SAMSN1: variants seen among roughly 807,000 people sequenced by gnomAD.
SAMSN1 encodes the protein SAM domain-containing protein SAMSN-1.
In SAMSN1, 31 loss-of-function variants were observed where a neutral mutation model predicts 42.0. The observed-to-expected ratio is 0.74, with a 90% CI of 0.55 to 1.00. The LOEUF is 1.00. SAMSN1 is among the 50% of genes least tolerant of loss of function. SAMSN1 has a pLI of 0.00. For synonymous variants in SAMSN1, 178 were observed against 151.9 expected (o/e 1.17, Z -1.26); for missense variants, 464 against 439.4 (o/e 1.06, Z -0.50).
intron 1 of SAMSN1, among the ~76,000 whole-genome samples, chr21:14,534,481 G>T (rs1301392003): frequency 6.6e-6 from 1 of 151,176 alleles, no homozygotes; most frequent in East Asian, 1.9e-4. Flanking sequence ...GAGAAATGTG[G>T]AACAAGCACA....
chr21:14,628,989 TAGTA>T (rs1316959527), intron 2 of SAMSN1, among the ~76,000 whole-genome samples: 1 of 152,018 alleles, frequency 6.6e-6, no homozygotes, highest in African/African-American at 2.4e-5. Context: ...CTCACACAAC[TAGTA>T]AGTGATAAAA....
upstream of SAMSN1, among the ~76,000 whole-genome samples, chr21:14,547,655 C>T (rs1980459500): frequency 6.6e-6 from 1 of 152,096 alleles, no homozygotes; most frequent in African/African-American, 2.4e-5. Context: ...GACTCTATTT[C>T]TCAAACTTCC....
At chr21:14,514,433 G>A (rs1245486068) in intron 3 of SAMSN1, among the ~76,000 whole-genome samples, 1 of 152,054 alleles carries the variant, frequency 6.6e-6, no homozygotes, top group Non-Finnish European at 1.5e-5. Flanking sequence ...GCTTTCATAT[G>A]GAGAATAAAT....
rs201460166 is a variant in SAMSN1 at position 14,493,574 on chromosome 21, AACACACACACACACACACAC to A, written c.919+4848_919+4867del. Among the ~76,000 whole-genome samples, 545 of 102,320 alleles carry A rather than the reference AACACACACACACACACACAC, an allele frequency of 5.3e-3. 3 individuals are homozygous for A. Among genetic ancestry groups the A allele is most frequent in the African/African-American group, 0.015 (528 of 35,218 alleles). The allele number at this position is 102,320 out of a possible 152,430, so 67.1% of individuals were successfully genotyped here. The stretch of plus-strand genomic sequence containing the variant: ...GCCTTGAAGATTGTGTTTATGGAAC[AACACACACACACACACACAC>A]ACACACACACACACACACATATTTT... On this transcript the variant is annotated intron_variant, in intron 7 of 7. Coordinates refer to ENST00000400566, the MANE Select transcript of SAMSN1 (RefSeq NM_022136.5).
intron 2 of SAMSN1, among the ~76,000 whole-genome samples, chr21:14,570,073 G>C (rs1276695456): frequency 6.6e-6 from 1 of 151,862 alleles, no homozygotes; most frequent in African/African-American, 2.4e-5. Flanking sequence ...AATATTTTGT[G>C]GTGGTTGACT....
At chr21:14,503,021 C>T (rs8129951) in intron 5 of SAMSN1, among the ~76,000 whole-genome samples, 7,079 of 152,124 alleles carry the variant, frequency 0.047, 481 homozygotes, top group African/African-American at 0.16. Context: ...ATTCTTTTAG[C>T]GCAAAACCTT....
chr21:14,487,549 A>T (rs1221321520), intron 7 of SAMSN1, among the ~76,000 whole-genome samples: 4 of 152,098 alleles, frequency 2.6e-5, no homozygotes, highest in Non-Finnish European at 4.4e-5. Flanking sequence ...CATCCATGGG[A>T]GAAATTGAAA....
chr21:14,641,985 T>A (rs1321405260), intron 2 of SAMSN1, among the ~76,000 whole-genome samples: 1 of 152,202 alleles, frequency 6.6e-6, no homozygotes, highest in Non-Finnish European at 1.5e-5. Flanking sequence ...ACTGTGTTCT[T>A]ACAAGTAAGT....
At position 14,516,893 on chromosome 21, in the gene SAMSN1, T is replaced by A; in HGVS notation, c.278A>T (p.Lys93Met). 1.9e-6 allele frequency: 3 copies of A among 1,599,370 alleles called. No individual in the cohort carries two copies. The highest frequency in any genetic ancestry group is 2.6e-6 in the Non-Finnish European group (3 of 1,174,548). ...KKYIKALSEE[K>M]DEEDGENAHP... ...AAATGATTATCAGAGAATATTTACC[T>A]TTTCCTCAGAAAGGGCTTTGATGTA... Residue 93 changes from lysine (K) to methionine (M), a missense_variant and splice_region_variant, in exon 3 of 8, where the codon AAG (lysine) becomes ATG (methionine). By Grantham distance (95) the Lys-to-Met change is moderately conservative (BLOSUM62 -1). Transcript: ENST00000400566.
intron 1 of SAMSN1, among the ~76,000 whole-genome samples, chr21:14,543,185 A>G (rs13048538): frequency 0.26 from 38,794 of 152,046 alleles, 5,558 homozygotes; most frequent in East Asian, 0.49. Flanking sequence ...TTCTGCAAGA[A>G]TTTACCAGTT....
intron 6 of SAMSN1, among the ~76,000 whole-genome samples, chr21:14,601,323 A>G (rs1430300618): frequency 6.6e-6 from 1 of 152,188 alleles, no homozygotes; most frequent in Non-Finnish European, 1.5e-5. Flanking sequence ...CAATAGCCTC[A>G]GGAATCAGGC....
At chr21:14,490,971 A>G (rs1329168167) in intron 7 of SAMSN1, among the ~76,000 whole-genome samples, 3 of 152,144 alleles carry the variant, frequency 2.0e-5, no homozygotes, top group African/African-American at 7.2e-5. Context: ...TACTCTCCCC[A>G]ACCATACACC....
chr21:14,601,984 A>G (rs1166455045), intron 6 of SAMSN1: 1 of 656,584 alleles, frequency 1.5e-6, no homozygotes, highest in Non-Finnish European at 2.8e-6. Context: ...TAACAAGACG[A>G]TTTTCACAAA....
chr21:14,603,170 GA>G (rs144056173), intron 5 of SAMSN1, among the ~76,000 whole-genome samples: 3,978 of 151,192 alleles, frequency 0.026, 106 homozygotes, highest in South Asian at 0.082. Flanking sequence ...TCTGAACTGG[GA>G]AAAAAAAATA....
rs143959837 is a variant in SAMSN1, at chr21:14,535,181, G to T, written c.57+11024C>A. On this transcript the variant is annotated intron_variant, in intron 1 of 7. Coordinates refer to ENST00000400566, the MANE Select transcript of SAMSN1 (RefSeq NM_022136.5). ...ACACCCCAGATGATTTTAATATTAG[G>T]TTGGTGCAAAAGTAATCATGATTTT... Among the ~76,000 whole-genome samples, 649 of 152,246 alleles carry T rather than the reference G, an allele frequency of 4.3e-3. 7 individuals carry two copies. The highest frequency in any genetic ancestry group is 0.015 in the African/African-American group (613 of 41,534).
intron 2 of SAMSN1, among the ~76,000 whole-genome samples, chr21:14,636,291 C>A (rs1983465639): frequency 6.6e-6 from 1 of 152,074 alleles, no homozygotes; most frequent in African/African-American, 2.4e-5. Context: ...CCATCGTTCC[C>A]TCTTCCTCAC....
chr21:14,608,128 G>A (rs1011199463), intron 5 of SAMSN1, among the ~76,000 whole-genome samples: 5 of 152,156 alleles, frequency 3.3e-5, no homozygotes, highest in Non-Finnish European at 4.4e-5. Flanking sequence ...ACACAAGAGA[G>A]CACCTCCATA....
At chr21:14,506,501 T>A (rs1404386260) in intron 5 of SAMSN1, among the ~76,000 whole-genome samples, 3 of 152,096 alleles carry the variant, frequency 2.0e-5, no homozygotes, top group Non-Finnish European at 2.9e-5. Flanking sequence ...CAGGAAAAAT[T>A]AGATACCCGG....
rs776738055 is a variant in SAMSN1, at chr21:14,485,969, C to T, written c.1065G>A (p.Glu355=). 7 of 1,613,660 alleles carry T rather than the reference C, an allele frequency of 4.3e-6. No homozygotes were observed. Among genetic ancestry groups the T allele is most frequent in the Non-Finnish European group, 5.9e-6 (7 of 1,179,760 alleles). The part of the protein sequence containing the change: ...GNSDNGKEDL[E]SENLSDMVHK... ...GTACCATGTCAGACAGATTTTCAGA[C>T]TCCAGATCCTCTTTGCCATTATCTG... is the stretch of plus-strand genomic sequence containing the variant. Residue 355 remains glutamate, a synonymous_variant, in exon 8 of 8, where the codon GAG becomes GAA. Coordinates refer to ENST00000400566, the MANE Select transcript of SAMSN1 (RefSeq NM_022136.5).
Sources: allele counts gnomAD v4.1 joint callset (sites outside exome capture counted in the v4.1 genomes callset), GRCh38; gene constraint gnomAD v4.1.1; transcripts MANE v1.5; gene names NCBI Gene and HGNC (gene_info 2026-07-23, HGNC 2026-07-21).